GATB: variants seen among roughly 807,000 people sequenced by gnomAD.
GATB encodes glutamyl-tRNA(Gln) amidotransferase subunit B, mitochondrial.
A neutral mutation model predicts 62.3 loss-of-function variants in GATB; 39 were observed. The ratio of observed to expected loss-of-function variants is 0.63; its 90% CI spans 0.48 to 0.82. GATB has a LOEUF of 0.82. Among genes scored for constraint, GATB ranks in the 40% least tolerant of loss-of-function variants. GATB has a pLI of 0.00. For missense variants in GATB, 670 were observed against 684.0 expected (o/e 0.98, Z 0.23); for synonymous variants, 276 against 258.9 (o/e 1.07, Z -0.63).
At position 151,672,929 on chromosome 4, in the gene GATB, TGA is replaced by T. The variant is rs778327913; in HGVS notation, c.1411-35_1411-34del. 19 of 1,611,348 alleles carry T rather than the reference TGA, an allele frequency of 1.2e-5. No individual in the cohort carries two copies. The East Asian group carries it at 3.8e-4, about 32-fold the overall frequency. On this transcript the variant is annotated intron_variant, in intron 11 of 12. Transcript: ENST00000263985. ...CCAGAGAAGGGAGAGGAAAGAGAAATGAGAAGTCAGCTCTTCTGCCAGCTCCA... is the reference window on the plus strand; with the variant it reads ...CCAGAGAAGGGAGAGGAAAGAGAAATGAAGTCAGCTCTTCTGCCAGCTCCA...
intron 2 of GATB, among the ~76,000 whole-genome samples, chr4:151,757,562 T>A (rs1739859169): frequency 7.1e-6 from 1 of 140,792 alleles, no homozygotes; most frequent in Middle Eastern, 3.6e-3. Context: ...AAGCTCTGCC[T>A]CCCAGGTTCA....
chr4:151,719,365 A>G (rs549818499), intron 3 of GATB, 60 bp downstream of exon 3: 219 of 1,227,094 alleles, frequency 1.8e-4, no homozygotes, highest in Non-Finnish European at 2.5e-4. Context: ...CCGACCCCCC[A>G]CAGCAGGGCT....
chr4:151,744,253 C>T (rs1485772497), intron 2 of GATB, among the ~76,000 whole-genome samples: 4 of 152,040 alleles, frequency 2.6e-5, no homozygotes, highest in African/African-American at 4.8e-5. Flanking sequence ...TGTGTACGCA[C>T]GTGTATGTAC....
At chr4:151,708,140 T>A in intron 5 of GATB, 39 bp from the exon 6 acceptor site, 1 of 1,358,102 alleles carries the variant, frequency 7.4e-7, no homozygotes, top group Non-Finnish European at 1.1e-6. Flanking sequence ...AGAAATTCTT[T>A]GAGGTGACAT....
intron 2 of GATB, among the ~76,000 whole-genome samples, chr4:151,751,448 A>G (rs1739719188): frequency 6.6e-6 from 1 of 152,206 alleles, no homozygotes; most frequent in African/African-American, 2.4e-5. Context: ...GCCAAAGAAA[A>G]ACACAACAAA....
At chr4:151,757,108 G>C (rs1018173929) in intron 2 of GATB, among the ~76,000 whole-genome samples, 1 of 152,088 alleles carries the variant, frequency 6.6e-6, no homozygotes, top group Admixed American at 6.5e-5. Flanking sequence ...GCCCAAAAAA[G>C]ATGTCATATA....
At chr4:151,754,021 C>T (rs545562456) in intron 2 of GATB, among the ~76,000 whole-genome samples, 7 of 152,304 alleles carry the variant, frequency 4.6e-5, no homozygotes, top group African/African-American at 1.7e-4. Context: ...CCAATGGGCA[C>T]TTCCTAGTCC....
At chr4:151,713,165 G>A (rs1029416838) in intron 5 of GATB, among the ~76,000 whole-genome samples, 12 of 151,968 alleles carry the variant, frequency 7.9e-5, no homozygotes, top group African/African-American at 2.9e-4. Context: ...ACCCCCAGAT[G>A]GGACCATCTA....
At chr4:151,703,435 A>G (rs775344523) in intron 8 of GATB, 11 of 184,518 alleles carry the variant, frequency 6.0e-5, no homozygotes, top group Non-Finnish European at 1.1e-4. Flanking sequence ...GTTCAAGGGA[A>G]CTACCATCAA....
chr4:151,678,263 G>A (rs967003414), intron 11 of GATB, among the ~76,000 whole-genome samples: 3 of 152,108 alleles, frequency 2.0e-5, no homozygotes, highest in East Asian at 1.9e-4. Flanking sequence ...ATCTGAAAGC[G>A]TCCCTACATC....
rs776089435 is a variant in GATB, at chr4:151,760,953, G to T, written c.30C>A (p.Cys10Ter). The change falls in exon 1 of 13, where the codon TGC becomes TGA. Residue 10 changes from cysteine to a stop codon, truncating the protein, a stop_gained. Coordinates refer to ENST00000263985, the MANE Select transcript of GATB (RefSeq NM_004564.3). LOFTEE classifies it high-confidence loss of function. MAAPMLRWG[C>*]RGRRWAFARV... ...GGGCGAAAGCCCAACGTCTTCCACGGCAGCCCCAGCGCAGCATGGGCGCCG... is the reference window on the plus strand; with the variant it reads ...GGGCGAAAGCCCAACGTCTTCCACGTCAGCCCCAGCGCAGCATGGGCGCCG... The T allele has an allele frequency of 6.2e-7, 1 of 1,613,092 alleles. No individual in the cohort carries two copies. The highest frequency in any genetic ancestry group is 8.5e-7 in the Non-Finnish European group (1 of 1,179,782).
At chr4:151,760,010 A>G (rs1739919000) in intron 1 of GATB, among the ~76,000 whole-genome samples, 1 of 152,218 alleles carries the variant, frequency 6.6e-6, no homozygotes, top group Admixed American at 6.5e-5. Context: ...CATGAGAGAA[A>G]AAATGTACTT....
intron 2 of GATB, chr4:151,721,473 G>C (rs1739031091): frequency 6.6e-6 from 1 of 152,212 alleles, no homozygotes; most frequent in African/African-American, 2.4e-5. Flanking sequence ...CTTGCCTAAT[G>C]TCTGGCATTT....
At chr4:151,732,211 C>A (rs1428319003) in intron 2 of GATB, among the ~76,000 whole-genome samples, 1 of 152,122 alleles carries the variant, frequency 6.6e-6, no homozygotes, top group Non-Finnish European at 1.5e-5. Flanking sequence ...ACCACCCCAT[C>A]AGGGAGGTGT....
intron 10 of GATB, among the ~76,000 whole-genome samples, chr4:151,686,506 C>A (rs1738248757): frequency 6.6e-6 from 1 of 151,978 alleles, no homozygotes; most frequent in Admixed American, 6.6e-5. Flanking sequence ...GCTCCCCCTG[C>A]CCCGGGACCT....
intron 2 of GATB, among the ~76,000 whole-genome samples, chr4:151,751,613 T>C (rs1249184769): frequency 2.0e-5 from 3 of 152,256 alleles, no homozygotes; most frequent in African/African-American, 7.2e-5. Flanking sequence ...AATTTAGTTC[T>C]TTTCCCAATA....
At chr4:151,698,350 A>C (rs1444980992) in intron 9 of GATB, among the ~76,000 whole-genome samples, 1 of 152,138 alleles carries the variant, frequency 6.6e-6, no homozygotes, top group Non-Finnish European at 1.5e-5. Flanking sequence ...ACTAGAGTTA[A>C]ATTCTGAAGT....
At chr4:151,676,546 G>A (rs1485022421) in intron 11 of GATB, 5 of 152,196 alleles carry the variant, frequency 3.3e-5, no homozygotes. Context: ...GGGAATCCTG[G>A]GAGGCTGTTT....
chr4:151,689,686 T>C (rs1441230004), intron 9 of GATB, among the ~76,000 whole-genome samples: 1 of 151,782 alleles, frequency 6.6e-6, no homozygotes, highest in Non-Finnish European at 1.5e-5. Context: ...CAACCTAATA[T>C]CAGCAGACGG....
Sources: allele counts gnomAD v4.1 joint callset (sites outside exome capture counted in the v4.1 genomes callset), GRCh38; gene constraint gnomAD v4.1.1; transcripts MANE v1.5; gene names NCBI Gene and HGNC (gene_info 2026-07-23, HGNC 2026-07-21).